CDR2: variants seen among roughly 807,000 people sequenced by gnomAD.
CDR2 encodes cerebellar degeneration-related protein 2.
Under a neutral mutation model 48.4 loss-of-function variants are expected in CDR2, and 34 were observed. That is an observed-to-expected ratio of 0.70 (90% CI 0.53 to 0.94). The LOEUF is 0.94. CDR2 is among the 40% of genes least tolerant of loss of function. The probability of loss-of-function intolerance (pLI) is 0.00; values close to 1 mark genes in which losing one functional copy is unlikely to be tolerated. For synonymous variants in CDR2, 240 were observed against 219.7 expected (o/e 1.09, Z -0.82); for missense variants, 498 against 549.5 (o/e 0.91, Z 0.94).
chr16:22,349,501 G>C (rs560752006), intron 3 of CDR2, 58 bp from the exon 4 acceptor site: 8 of 1,591,698 alleles, frequency 5.0e-6, no homozygotes, highest in Non-Finnish European at 6.9e-6. Flanking sequence ...GGGCAAAAGC[G>C]GTGAGGAGAG....
At chr16:22,355,681 T>C (rs534438436) in intron 2 of CDR2, among the ~76,000 whole-genome samples, 8 of 152,258 alleles carry the variant, frequency 5.3e-5, no homozygotes, top group East Asian at 1.9e-4. Flanking sequence ...GAAGAGATAA[T>C]AGCCAAGCCC....
chr16:22,368,428 T>C (rs2049056410), intron 1 of CDR2, among the ~76,000 whole-genome samples: 1 of 152,202 alleles, frequency 6.6e-6, no homozygotes, highest in Non-Finnish European at 1.5e-5. Flanking sequence ...CAGGCTGGTC[T>C]CGAAATCCTG....
chr16:22,365,627 A>G (rs914314970), intron 1 of CDR2, among the ~76,000 whole-genome samples: 3 of 152,206 alleles, frequency 2.0e-5, no homozygotes, highest in Non-Finnish European at 2.9e-5. Context: ...ACATGTCAGT[A>G]GCTCATACTT....
rs769285328 is a variant in CDR2, at chr16:22,366,233, T to TCATG, written c.80-1223_80-1220dup. Among the ~76,000 whole-genome samples the TCATG allele has an allele frequency of 1.9e-3, 295 of 152,286 alleles. 1 individual carries two copies. The highest frequency in any genetic ancestry group is 0.01 in the Middle Eastern group (3 of 294). ...ACTCACATACTGTGATAAACAGTAT[T>TCATG]CATGCATGCATGCATATACTCAATA... On this transcript the variant is annotated intron_variant, in intron 1 of 4. Coordinates refer to ENST00000268383, the MANE Select transcript of CDR2 (RefSeq NM_001802.2).
At chr16:22,354,241 G>C (rs2141845570) in intron 2 of CDR2, among the ~76,000 whole-genome samples, 1 of 152,238 alleles carries the variant, frequency 6.6e-6, no homozygotes, top group East Asian at 1.9e-4. Context: ...GTTGATCTTG[G>C]ACATGGAAAA....
At chr16:22,348,125 C>T (rs1430871048) in intron 4 of CDR2, among the ~76,000 whole-genome samples, 6 of 151,930 alleles carry the variant, frequency 3.9e-5, no homozygotes, top group Admixed American at 1.3e-4. Flanking sequence ...TTAGTAGAGA[C>T]GGGGTTTCTC....
Position 22,347,654 on chromosome 16 carries a change from C to G in CDR2, c.676G>C (p.Val226Leu), listed in dbSNP as rs769723609. The part of the protein sequence containing the change: ...RVTMEEEYGL[V>L]LKENSELEQQ... ...TCCAGTTCACTGTTCTCCTTTAACA[C>G]GAGCCCATATTCCTCCTCCATAGTC... The change falls in exon 5 of 5, where the codon GTG becomes CTG. Residue 226 changes from valine (V) to leucine (L), a missense_variant. Transcript: ENST00000268383. The G allele has an allele frequency of 1.9e-6, 3 of 1,614,006 alleles. No individual in the cohort carries two copies. The highest frequency in any genetic ancestry group is 2.5e-6 in the Non-Finnish European group (3 of 1,180,042).
At position 22,346,694 on chromosome 16, in the gene CDR2, C is replaced by CA. The variant is rs1410517017; in HGVS notation, c.*270dup. 3 of 456,370 alleles carry CA rather than the reference C, an allele frequency of 6.6e-6. No individual in the cohort carries two copies. The highest frequency in any genetic ancestry group is 1.2e-5 in the Non-Finnish European group (3 of 252,730). The allele number at this position is 456,370 out of a possible 1,614,324, so 28.3% of individuals were successfully genotyped here. ...TCTCCAGAAGTATAGCTCTTCCCTC[C>CA]ACTGGTCCTTTTCAGGAACTGAAGT... is the stretch of plus-strand genomic sequence containing the variant. On this transcript the variant is annotated 3_prime_UTR_variant, in exon 5 of 5. Transcript: ENST00000268383.
rs1346652015 is a variant in CDR2, at chr16:22,347,459, G to C, written c.871C>G (p.Leu291Val). Reference sequence around the variant, plus strand: ...GGCACAGTCAGGAACATCTCTTCCAGCAGGCTCTGGCTGGGCTCTTTGAAA... The same window carrying C: ...GGCACAGTCAGGAACATCTCTTCCACCAGGCTCTGGCTGGGCTCTTTGAAA... ...VPFKEPSQSL[L>V]EEMFLTVPES... The change falls in exon 5 of 5, where the codon CTG becomes GTG. Residue 291 changes from leucine to valine, a missense_variant. Transcript: ENST00000268383. 6.2e-7 allele frequency: 1 copy of C among 1,614,008 alleles called. No homozygotes were observed. Among genetic ancestry groups the C allele is most frequent in the East Asian group, 2.2e-5 (1 of 44,884 alleles).
intron 1 of CDR2, among the ~76,000 whole-genome samples, chr16:22,371,745 T>C (rs183995139): frequency 6.6e-6 from 1 of 152,306 alleles, no homozygotes; most frequent in African/African-American, 2.4e-5. Context: ...TCGTACTCCA[T>C]ATAGTTGGTT....
In CDR2 at chr16:22,349,322, C is replaced by T. The variant is rs757023549; in HGVS notation, c.463G>A (p.Ala155Thr). ...SPGKCDQEKP[A>T]PSFACLKELY... is the part of the protein sequence containing the mutation. Reference sequence around the variant, plus strand: ...TCCTTCAGACATGCAAAGCTGGGTGCCGGTTTCTCCTGGTCACACTTTCCC... The same window carrying T: ...TCCTTCAGACATGCAAAGCTGGGTGTCGGTTTCTCCTGGTCACACTTTCCC... The change falls in exon 4 of 5, where the codon GCA becomes ACA. Residue 155 changes from alanine to threonine, a missense_variant. Ala to Thr is a moderately conservative substitution (Grantham distance 58, BLOSUM62 0). Coordinates refer to ENST00000268383, the MANE Select transcript of CDR2 (RefSeq NM_001802.2). The T allele has an allele frequency of 1.7e-5, 27 of 1,614,174 alleles. No homozygotes were observed. The highest frequency in any genetic ancestry group is 8.8e-5 in the South Asian group (8 of 91,082).
chr16:22,373,757 C>A (rs1480695449), intron 1 of CDR2, among the ~76,000 whole-genome samples: 2 of 152,250 alleles, frequency 1.3e-5, no homozygotes, highest in African/African-American at 2.4e-5. Flanking sequence ...CCTGGAGTTA[C>A]GGTGCGGAGC....
intron 2 of CDR2, among the ~76,000 whole-genome samples, chr16:22,355,828 C>T (rs992224653): frequency 3.3e-5 from 5 of 152,220 alleles, no homozygotes; most frequent in African/African-American, 1.2e-4. Context: ...CCAACTTCCT[C>T]TGCTCAGCTC....
chr16:22,349,909 C>G, intron 2 of CDR2, 60 bp from the exon 3 acceptor site: 3 of 1,550,454 alleles, frequency 1.9e-6, no homozygotes, highest in Non-Finnish European at 2.7e-6. Flanking sequence ...TGTTTCTTGG[C>G]TGGCTGCGGT....
intron 1 of CDR2, among the ~76,000 whole-genome samples, chr16:22,365,842 C>A (rs968430771): frequency 1.3e-5 from 2 of 152,088 alleles, no homozygotes; most frequent in African/African-American, 4.8e-5. Flanking sequence ...TGGAGCAGTC[C>A]TTTGATACAG....
intron 2 of CDR2, 35 bp downstream of exon 2, chr16:22,364,867 T>A: frequency 8.4e-7 from 1 of 1,190,316 alleles, no homozygotes; most frequent in Non-Finnish European, 1.3e-6. Context: ...CACATCGAAG[T>A]GTCAAAAGTG....
At chr16:22,356,570 T>C (rs1462166537) in intron 2 of CDR2, among the ~76,000 whole-genome samples, 1 of 152,110 alleles carries the variant, frequency 6.6e-6, no homozygotes, top group Non-Finnish European at 1.5e-5. Flanking sequence ...CTGGCCAACA[T>C]GGTGAAACCC....
At chr16:22,374,081 C>T in intron 1 of CDR2, 150 bp downstream of exon 1, 1 of 534,476 alleles carries the variant, frequency 1.9e-6, no homozygotes, top group Middle Eastern at 4.8e-4. Flanking sequence ...GCGGGATCCG[C>T]GGGCACGGCC....
intron 2 of CDR2, among the ~76,000 whole-genome samples, chr16:22,350,335 G>C (rs1047442870): frequency 6.6e-6 from 1 of 152,134 alleles, no homozygotes; most frequent in Non-Finnish European, 1.5e-5. Flanking sequence ...AGCTCCTTTA[G>C]ACCCATTTCA....
Sources: allele counts gnomAD v4.1 joint callset (sites outside exome capture counted in the v4.1 genomes callset), GRCh38; gene constraint gnomAD v4.1.1; transcripts MANE v1.5; gene names NCBI Gene and HGNC (gene_info 2026-07-23, HGNC 2026-07-21).